TIAM1: variants seen among roughly 807,000 people sequenced by gnomAD.
TIAM1 encodes the protein TIAM Rac1 associated GEF 1.
Under a neutral mutation model 163.5 loss-of-function variants are expected in TIAM1, and 65 were observed. The observed-to-expected ratio is 0.40, with a 90% CI of 0.33 to 0.49. The LOEUF (loss-of-function observed/expected upper bound fraction) is 0.49, where lower values mean the gene tolerates loss of function less well. Among genes scored for constraint, TIAM1 ranks in the 20% least tolerant of loss-of-function variants. The pLI, the probability that TIAM1 is intolerant of heterozygous loss-of-function variation, is 0.77. For synonymous variants in TIAM1, 833 were observed against 810.1 expected (o/e 1.03, Z -0.48); for missense variants, 1,789 against 2,044.7 (o/e 0.87, Z 2.41).
At chr21:31,423,722 A>C (rs964795619) in intron 2 of TIAM1, among the ~76,000 whole-genome samples, 1 of 149,166 alleles carries the variant, frequency 6.7e-6, no homozygotes, top group Non-Finnish European at 1.5e-5. Flanking sequence ...AAAAAAAAAA[A>C]AAAAAAACCT....
intron 2 of TIAM1, among the ~76,000 whole-genome samples, chr21:31,318,945 C>T (rs757798080): frequency 2.0e-5 from 3 of 152,244 alleles, no homozygotes; most frequent in Admixed American, 6.5e-5. Flanking sequence ...CTCACTGCAA[C>T]CTCGAACTCC....
At chr21:31,341,059 G>T (rs2076002223) in intron 1 of TIAM1, among the ~76,000 whole-genome samples, 1 of 152,172 alleles carries the variant, frequency 6.6e-6, no homozygotes, top group African/African-American at 2.4e-5. Flanking sequence ...ACCTTCCATT[G>T]AGAGAAGTGG....
intron 1 of TIAM1, among the ~76,000 whole-genome samples, chr21:31,474,540 T>C (rs1163901999): frequency 9.0e-6 from 1 of 110,848 alleles, no homozygotes; most frequent in Non-Finnish European, 1.8e-5. Context: ...CTCACAAACC[T>C]TTAGTCTTTT....
At chr21:31,539,048 C>T (rs894791672) in intron 1 of TIAM1, among the ~76,000 whole-genome samples, 7 of 152,130 alleles carry the variant, frequency 4.6e-5, no homozygotes, top group Non-Finnish European at 8.8e-5. Context: ...GGGTTACAGA[C>T]CTAAGTGGTC....
intron 2 of TIAM1, among the ~76,000 whole-genome samples, chr21:31,427,338 T>C (rs955700370): frequency 6.6e-6 from 1 of 151,724 alleles, no homozygotes; most frequent in African/African-American, 2.4e-5. Context: ...ATGCAAAAAA[T>C]TGGCCGGGCG....
chr21:31,329,194 G>C (rs942636229), intron 2 of TIAM1, among the ~76,000 whole-genome samples: 3 of 152,208 alleles, frequency 2.0e-5, no homozygotes, highest in Admixed American at 6.5e-5. Flanking sequence ...TCTTGATATT[G>C]TCTGTATCCA....
chr21:31,551,670 G>T (rs1039617895), intron 1 of TIAM1, among the ~76,000 whole-genome samples: 1 of 152,182 alleles, frequency 6.6e-6, no homozygotes, highest in Non-Finnish European at 1.5e-5. Context: ...TTGAGCCTGG[G>T]TGCTTGAGGC....
chr21:31,305,956 A>G (rs1017570170), intron 2 of TIAM1, among the ~76,000 whole-genome samples: 1 of 152,144 alleles, frequency 6.6e-6, no homozygotes, highest in Non-Finnish European at 1.5e-5. Context: ...CCCCCAGGGG[A>G]GGAACCGCCA....
At chr21:31,195,937 A>T (rs2085828439) in intron 12 of TIAM1, among the ~76,000 whole-genome samples, 1 of 152,218 alleles carries the variant, frequency 6.6e-6, no homozygotes, top group Non-Finnish European at 1.5e-5. Flanking sequence ...GGACCTAATT[A>T]AACTAAAGAG....
intron 2 of TIAM1, among the ~76,000 whole-genome samples, chr21:31,419,376 G>T (rs719462): frequency 0.17 from 26,301 of 152,102 alleles, 2,841 homozygotes; most frequent in African/African-American, 0.29. Context: ...GCACCTTGTA[G>T]AGCGATGTGT....
chr21:31,311,733 T>C (rs1276573462), intron 2 of TIAM1, among the ~76,000 whole-genome samples: 1 of 152,226 alleles, frequency 6.6e-6, no homozygotes, highest in Admixed American at 6.5e-5. Flanking sequence ...AGAGGTGTGA[T>C]AGTTAATACT....
At chr21:31,167,088 CTTT>C (rs72031739) in intron 15 of TIAM1, among the ~76,000 whole-genome samples, 7 of 125,068 alleles carry the variant, frequency 5.6e-5, no homozygotes, top group Admixed American at 1.7e-4. Flanking sequence ...AAAGGATTTC[CTTT>C]TTTTTTTTTT....
intron 2 of TIAM1, among the ~76,000 whole-genome samples, chr21:31,443,721 T>C (rs1177521511): frequency 6.6e-6 from 1 of 152,222 alleles, no homozygotes; most frequent in Non-Finnish European, 1.5e-5. Context: ...ATTTCTGATG[T>C]TTATTAGAGG....
chr21:31,268,694 A>G (rs1465421366), intron 3 of TIAM1, among the ~76,000 whole-genome samples: 1 of 152,238 alleles, frequency 6.6e-6, no homozygotes, highest in African/African-American at 2.4e-5. Flanking sequence ...CTTCTCTGGT[A>G]TCTTTAAGAA....
At chr21:31,199,820 A>G (rs4817387) in intron 12 of TIAM1, among the ~76,000 whole-genome samples, 26,577 of 151,246 alleles carry the variant, frequency 0.18, 3,434 homozygotes, top group East Asian at 0.4. Flanking sequence ...GTGAGCCACC[A>G]TGCCTGGCCA....
At chr21:31,197,504 T>C (rs2085926030) in intron 12 of TIAM1, among the ~76,000 whole-genome samples, 1 of 149,884 alleles carries the variant, frequency 6.7e-6, no homozygotes, top group African/African-American at 2.5e-5. Flanking sequence ...GCCTACCGAG[T>C]AGCTGGGACT....
At chr21:31,243,690 A>G (rs1322825982) in intron 6 of TIAM1, among the ~76,000 whole-genome samples, 1 of 152,208 alleles carries the variant, frequency 6.6e-6, no homozygotes, top group Non-Finnish European at 1.5e-5. Flanking sequence ...AGTAAACTCA[A>G]AGAGAATGAT....
intron 1 of TIAM1, among the ~76,000 whole-genome samples, chr21:31,524,566 G>C (rs181269750): frequency 6.6e-6 from 1 of 152,210 alleles, no homozygotes; most frequent in Non-Finnish European, 1.5e-5. Context: ...GCATTTGCTG[G>C]TGAAGGGTTT....
intron 2 of TIAM1, among the ~76,000 whole-genome samples, chr21:31,385,303 T>C (rs1487856242): frequency 6.6e-6 from 1 of 152,174 alleles, no homozygotes; most frequent in Non-Finnish European, 1.5e-5. Flanking sequence ...GTGTGTTCTT[T>C]ATAGATAGAT....
Sources: allele counts gnomAD v4.1 joint callset (sites outside exome capture counted in the v4.1 genomes callset), GRCh38; gene constraint gnomAD v4.1.1; transcripts MANE v1.5; gene names NCBI Gene and HGNC (gene_info 2026-07-23, HGNC 2026-07-21).